The following ULK4 variants were observed in gnomAD, a reference collection of about 807,000 sequenced individuals.
The protein encoded by ULK4 is inactive serine/threonine-protein kinase ULK4.
A neutral mutation model predicts 160.6 loss-of-function variants in ULK4; 133 were observed. That is an observed-to-expected ratio of 0.83 (90% CI 0.72 to 0.96). The LOEUF (loss-of-function observed/expected upper bound fraction) is 0.96, where lower values mean the gene tolerates loss of function less well. Among genes scored for constraint, ULK4 ranks in the 40% least tolerant of loss-of-function variants. The pLI is 0.00. For synonymous variants in ULK4, 534 were observed against 539.8 expected (o/e 0.99, Z 0.15); for missense variants, 1,580 against 1,499.5 (o/e 1.05, Z -0.89).
At chr3:41,428,550 T>C (rs2082829799) in intron 34 of ULK4, among the ~76,000 whole-genome samples, 1 of 152,124 alleles carries the variant, frequency 6.6e-6, no homozygotes, top group Admixed American at 6.5e-5. Flanking sequence ...CAAAACAGCA[T>C]GGTAATGGCA....
chr3:41,766,244 G>C (rs2039158338), intron 21 of ULK4, among the ~76,000 whole-genome samples: 1 of 152,076 alleles, frequency 6.6e-6, no homozygotes, highest in Non-Finnish European at 1.5e-5. Context: ...CTCCAGCCTG[G>C]GCGTCAGAGC....
intron 34 of ULK4, among the ~76,000 whole-genome samples, chr3:41,447,473 T>C (rs2083326954): frequency 6.6e-6 from 1 of 152,072 alleles, no homozygotes; most frequent in Non-Finnish European, 1.5e-5. Context: ...TAAAAAAACA[T>C]ATTGCTACAT....
intron 32 of ULK4, among the ~76,000 whole-genome samples, chr3:41,553,082 C>G (rs903098581): frequency 6.6e-6 from 1 of 151,996 alleles, no homozygotes; most frequent in Non-Finnish European, 1.5e-5. Context: ...TGTTACCTCT[C>G]ACCTCATACA....
At chr3:41,639,127 A>G (rs866925744) in intron 30 of ULK4, among the ~76,000 whole-genome samples, 1 of 152,208 alleles carries the variant, frequency 6.6e-6, no homozygotes, top group Non-Finnish European at 1.5e-5. Context: ...TATTATTTCC[A>G]TAATTAGGAT....
intron 32 of ULK4, among the ~76,000 whole-genome samples, chr3:41,528,142 T>A (rs1354087484): frequency 6.6e-6 from 1 of 152,164 alleles, no homozygotes; most frequent in Non-Finnish European, 1.5e-5. Flanking sequence ...ATTCAAATAG[T>A]ATACTCCCTC....
chr3:41,349,692 C>T (rs2080871596), intron 35 of ULK4, among the ~76,000 whole-genome samples: 1 of 152,176 alleles, frequency 6.6e-6, no homozygotes, highest in Non-Finnish European at 1.5e-5. Flanking sequence ...CTTTTCCACC[C>T]TCATTCCATT....
intron 31 of ULK4, among the ~76,000 whole-genome samples, chr3:41,569,391 C>G (rs1057384615): frequency 6.6e-6 from 1 of 152,064 alleles, no homozygotes; most frequent in Non-Finnish European, 1.5e-5. Context: ...CATTAGCATA[C>G]AAAAAGACAG....
intron 32 of ULK4, among the ~76,000 whole-genome samples, chr3:41,492,225 A>G (rs908307802): frequency 6.6e-6 from 1 of 152,144 alleles, no homozygotes; most frequent in Non-Finnish European, 1.5e-5. Flanking sequence ...AGCATGATTT[A>G]TAGTCCTTTG....
intron 31 of ULK4, among the ~76,000 whole-genome samples, chr3:41,597,218 C>G (rs1178590642): frequency 6.6e-6 from 1 of 152,276 alleles, no homozygotes; most frequent in African/African-American, 2.4e-5. Flanking sequence ...GTGTGTCAAC[C>G]ATAGACCATC....
At chr3:41,590,139 A>T (rs1240047201) in intron 31 of ULK4, among the ~76,000 whole-genome samples, 1 of 151,736 alleles carries the variant, frequency 6.6e-6, no homozygotes, top group Non-Finnish European at 1.5e-5. Context: ...AGTAGCTGGG[A>T]CTACAGGCGC....
intron 31 of ULK4, among the ~76,000 whole-genome samples, chr3:41,606,934 T>G (rs1001470331): frequency 6.6e-6 from 1 of 152,192 alleles, no homozygotes; most frequent in Non-Finnish European, 1.5e-5. Flanking sequence ...GTTTATTGTT[T>G]CTTTTGCTGT....
At chr3:41,949,431 A>AT (rs1700216435) in intron 2 of ULK4, among the ~76,000 whole-genome samples, 9 of 69,008 alleles carry the variant, frequency 1.3e-4, no homozygotes, top group Non-Finnish European at 3.6e-4. Context: ...AGATTAGCGG[A>AT]ATTTTTTTTT....
intron 25 of ULK4, among the ~76,000 whole-genome samples, chr3:41,705,560 G>A (rs998679693): frequency 1.3e-4 from 20 of 151,596 alleles, no homozygotes; most frequent in African/African-American, 4.1e-4. Context: ...GCAGTGGCCC[G>A]ATCTCGGCTC....
chr3:41,782,564 T>C (rs927751737), intron 21 of ULK4, among the ~76,000 whole-genome samples: 11 of 152,312 alleles, frequency 7.2e-5, no homozygotes, highest in African/African-American at 2.6e-4. Flanking sequence ...TCAAAAGATA[T>C]AGAGACTGTA....
intron 35 of ULK4, among the ~76,000 whole-genome samples, chr3:41,290,156 T>G (rs565220164): frequency 1.3e-5 from 2 of 152,170 alleles, no homozygotes; most frequent in Non-Finnish European, 2.9e-5. Context: ...ATTACAGGCG[T>G]GAGCCACCAT....
intron 20 of ULK4, among the ~76,000 whole-genome samples, chr3:41,796,249 G>A (rs887365244): frequency 2.0e-5 from 3 of 152,098 alleles, no homozygotes; most frequent in African/African-American, 7.2e-5. Flanking sequence ...TGAGAATAAT[G>A]AGAACCCAGT....
chr3:41,382,888 T>C (rs2081699964), intron 35 of ULK4, among the ~76,000 whole-genome samples: 1 of 152,178 alleles, frequency 6.6e-6, no homozygotes, highest in African/African-American at 2.4e-5. Flanking sequence ...TATATTCCTA[T>C]GAACATAATG....
intron 31 of ULK4, among the ~76,000 whole-genome samples, chr3:41,571,422 T>C (rs1172604916): frequency 1.3e-5 from 2 of 152,254 alleles, no homozygotes; most frequent in African/African-American, 4.8e-5. Context: ...TGCTATTTCA[T>C]TTATCTTAGC....
intron 32 of ULK4, among the ~76,000 whole-genome samples, chr3:41,554,390 A>G (rs1165176571): frequency 4.6e-5 from 7 of 152,186 alleles, no homozygotes; most frequent in Non-Finnish European, 7.4e-5. Flanking sequence ...GAATGAAATC[A>G]TATCATTTGC....
Sources: gnomAD v4.1 joint callset for allele counts (sites outside exome capture counted in the v4.1 genomes callset) on GRCh38, gnomAD v4.1.1 for gene constraint, MANE v1.5 for transcripts, NCBI Gene and HGNC (gene_info 2026-07-23, HGNC 2026-07-21) for gene names.